The following KLRD1 variants were observed in gnomAD, a reference collection of about 807,000 sequenced individuals.
KLRD1 encodes killer cell lectin like receptor D1.
KLRD1 carries 21 observed loss-of-function variants against 22.6 expected under a neutral mutation model. The observed-to-expected ratio is 0.93, with a 90% CI of 0.66 to 1.34. The LOEUF (loss-of-function observed/expected upper bound fraction) is 1.34. Among genes scored for constraint, KLRD1 ranks in the 40% most tolerant of loss-of-function variants. The pLI is 0.00. For missense variants in KLRD1, 183 were observed against 208.6 expected (o/e 0.88, Z 0.76); for synonymous variants, 59 against 71.1 (o/e 0.83, Z 0.85).
chr12:10,308,391 C>A, intron 1 of KLRD1: 1 of 340,490 alleles, frequency 2.9e-6, no homozygotes, highest in Non-Finnish European at 5.4e-6. Context: ...TCTAGTATAG[C>A]AATAGAAAAT....
chr12:10,305,383 T>A (rs1193772051), upstream of KLRD1, among the ~76,000 whole-genome samples: 2 of 152,188 alleles, frequency 1.3e-5, no homozygotes, highest in African/African-American at 4.8e-5. Context: ...AGAGAATACT[T>A]TGAGTAGAAA....
In KLRD1 at chr12:10,309,628, T is replaced by C. The variant is rs779713216; in HGVS notation, c.103T>C (p.Phe35Leu). 6.2e-7 allele frequency: 1 copy of C among 1,608,676 alleles called. No individual in the cohort carries two copies. Among genetic ancestry groups the C allele is most frequent in the Non-Finnish European group, 8.5e-7 (1 of 1,175,334 alleles). Residue 35 changes from phenylalanine (F) to leucine (L), a missense_variant and splice_region_variant, in exon 3 of 6, where the codon TTT becomes CTT. Phe to Leu is a conservative substitution (Grantham distance 22). Coordinates refer to ENST00000336164, the MANE Select transcript of KLRD1 (RefSeq NM_002262.5). ...STLGILLKNS[F>L]TKLSIEPAFT... ...AAATTTCTAATCATTTCTTATAGCTTTTACTAAACTGAGTATTGAGCCAGC... is the reference window on the plus strand; with the variant it reads ...AAATTTCTAATCATTTCTTATAGCTCTTACTAAACTGAGTATTGAGCCAGC...
At chr12:10,279,526 A>C (rs1312367777) in intron 1 of KLRD1, among the ~76,000 whole-genome samples, 1 of 152,150 alleles carries the variant, frequency 6.6e-6, no homozygotes, top group East Asian at 1.9e-4. Context: ...GATTTATATA[A>C]ATAGGCAGTA....
chr12:10,247,873 G>T (rs1348026763), intron 1 of KLRD1, among the ~76,000 whole-genome samples: 3 of 152,154 alleles, frequency 2.0e-5, no homozygotes, highest in African/African-American at 7.2e-5. Flanking sequence ...TGAGACCTCT[G>T]CAGCCATGCA....
At chr12:10,288,876 T>C (rs1166416558) in intron 1 of KLRD1, among the ~76,000 whole-genome samples, 1 of 152,088 alleles carries the variant, frequency 6.6e-6, no homozygotes, top group Non-Finnish European at 1.5e-5. Flanking sequence ...ACCAAATGAG[T>C]GTCTAGTCAC....
chr12:10,239,531 CTTTCTTTCTTTCTT>C (rs769176977), intron 1 of KLRD1, among the ~76,000 whole-genome samples: 1,495 of 74,406 alleles, frequency 0.02, 60 homozygotes, highest in African/African-American at 0.035. Context: ...TTCTTTCTTT[CTTTCTTTCTTTCTT>C]TCTTTCTTTC....
In KLRD1 at chr12:10,314,119, C is replaced by T. The variant is rs1015046696; in HGVS notation, c.420-554C>T. On this transcript the variant is annotated intron_variant, in intron 5 of 5. Coordinates refer to ENST00000336164, the MANE Select transcript of KLRD1 (RefSeq NM_002262.5). The stretch of plus-strand genomic sequence containing the variant: ...ATATGCTTTATTTTTGCCTTAGTAC[C>T]AGCACTTGGAAGTATATGTGCATGT... Among the ~76,000 whole-genome samples the T allele has an allele frequency of 2.6e-4, 39 of 152,168 alleles. No homozygotes were observed. The Middle Eastern group carries it at 0.014, about 53-fold the overall frequency.
intron 1 of KLRD1, among the ~76,000 whole-genome samples, chr12:10,265,524 A>G (rs1027925085): frequency 1.4e-4 from 21 of 152,224 alleles, no homozygotes; most frequent in African/African-American, 5.1e-4. Context: ...TGGGAGGCCG[A>G]TGCGGGTGGA....
chr12:10,314,718 T>C lies in KLRD1; in HGVS notation c.465T>C (p.Tyr155=), dbSNP rs764413360. The part of the protein sequence containing the change: ...ETFNTKNCIA[Y]NPNGNALDES... ...TTAATACAAAGAACTGCATAGCGTA[T>C]AATCCAAATGGAAATGCTTTAGATG... Residue 155 remains tyrosine, a synonymous_variant, in exon 6 of 6, where the codon TAT becomes TAC. Coordinates refer to ENST00000336164, the MANE Select transcript of KLRD1 (RefSeq NM_002262.5). 1 of 1,597,682 alleles carries C rather than the reference T, an allele frequency of 6.3e-7. No homozygotes were observed. Among genetic ancestry groups the C allele is most frequent in the South Asian group, 1.1e-5 (1 of 88,068 alleles).
chr12:10,314,104 T>C (rs1950164470), intron 5 of KLRD1, among the ~76,000 whole-genome samples: 1 of 152,174 alleles, frequency 6.6e-6, no homozygotes, highest in Admixed American at 6.5e-5. Flanking sequence ...ATATGCTTTA[T>C]TTTTGCCTTA....
chr12:10,303,875 A>G (rs1267336209), upstream of KLRD1, among the ~76,000 whole-genome samples: 1 of 152,198 alleles, frequency 6.6e-6, no homozygotes, highest in Non-Finnish European at 1.5e-5. Context: ...AGAAGTCCCA[A>G]GGCCTACAGA....
chr12:10,264,682 C>CTGTGTG lies in KLRD1; in HGVS notation c.-101+38465_-101+38470dup, dbSNP rs1288838996. Among the ~76,000 whole-genome samples, 668 of 149,286 alleles carry CTGTGTG rather than the reference C, an allele frequency of 4.5e-3. 7 individuals carry two copies. Among genetic ancestry groups the CTGTGTG allele is most frequent in the East Asian group, 0.024 (123 of 5,076 alleles). ...GTCCATCGTCTCACATAGTTACCTT[C>CTGTGTG]TGTGTGTGTGTGTGTGTGTGTAGTG... is the stretch of plus-strand genomic sequence containing the variant. On this transcript the variant is annotated intron_variant, in intron 1 of 5. Coordinates refer to the KLRD1 transcript ENST00000544747.
At chr12:10,308,864 G>A (rs889220433) in intron 1 of KLRD1, 2 of 154,354 alleles carry the variant, frequency 1.3e-5, no homozygotes, top group African/African-American at 4.8e-5. Context: ...GGTAGACTAC[G>A]TTGAATGAAA....
upstream of KLRD1, among the ~76,000 whole-genome samples, chr12:10,301,991 C>G (rs1359523564): frequency 1.3e-5 from 2 of 152,164 alleles, no homozygotes; most frequent in African/African-American, 4.8e-5. Flanking sequence ...ACACACACGA[C>G]ATTTACTAAT....
chr12:10,293,792 G>A (rs1949798215), intron 1 of KLRD1, among the ~76,000 whole-genome samples: 1 of 152,208 alleles, frequency 6.6e-6, no homozygotes, highest in African/African-American at 2.4e-5. Context: ...ATAAAGTGAA[G>A]TGCAGTAAAA....
rs750696767 is a variant in KLRD1 at position 10,324,818 on chromosome 12, G to GTGTGTGTGTATATATATA, written c.*10026_*10027insGTGTGTGTATATATATAT. ...AGTATATATGTATATGTGTGTGTGT[G>GTGTGTGTGTATATATATA]TATATATATATATATATATATATAT... On this transcript the variant is annotated 3_prime_UTR_variant, in exon 6 of 6. Coordinates refer to ENST00000336164, the MANE Select transcript of KLRD1 (RefSeq NM_002262.5). The GTGTGTGTGTATATATATA allele has an allele frequency of 7.1e-3, 526 of 74,130 alleles. 6 individuals carry two copies. Among genetic ancestry groups the GTGTGTGTGTATATATATA allele is most frequent in the Middle Eastern group, 0.013 (1 of 80 alleles). 4.6% of individuals were successfully genotyped at this position (74,130 alleles called of 1,614,324 possible).
At chr12:10,243,067 A>G (rs1243077462) in intron 1 of KLRD1, among the ~76,000 whole-genome samples, 3 of 152,114 alleles carry the variant, frequency 2.0e-5, no homozygotes, top group Non-Finnish European at 4.4e-5. Flanking sequence ...TTAAATGTGG[A>G]ATCTAAAAAA....
chr12:10,281,770 G>A (rs372215056), intron 1 of KLRD1, among the ~76,000 whole-genome samples: 47 of 152,214 alleles, frequency 3.1e-4, no homozygotes, highest in African/African-American at 7.7e-4. Context: ...ACACATTCCC[G>A]TGACTGAACA....
At chr12:10,312,165 G>T (rs1200816838) in intron 4 of KLRD1, among the ~76,000 whole-genome samples, 6 of 149,112 alleles carry the variant, frequency 4.0e-5, no homozygotes, top group Admixed American at 6.8e-5. Context: ...TGATTCTCCT[G>T]CCTCAGCCTC....
Sources: allele counts gnomAD v4.1 joint callset (sites outside exome capture counted in the v4.1 genomes callset), GRCh38; gene constraint gnomAD v4.1.1; transcripts MANE v1.5; gene names NCBI Gene and HGNC (gene_info 2026-07-23, HGNC 2026-07-21).